ARL15: variants seen among roughly 807,000 people sequenced by gnomAD.
ARL15 encodes the protein ADP-ribosylation factor-like protein 15.
A neutral mutation model predicts 25.2 loss-of-function variants in ARL15; 19 were observed. That is an observed-to-expected ratio of 0.75 (90% confidence interval 0.53 to 1.10). The LOEUF is 1.10. Among genes scored for constraint, ARL15 ranks in the 50% least tolerant of loss-of-function variants. ARL15 has a pLI of 0.00. For missense variants in ARL15, 220 were observed against 246.0 expected, an observed-to-expected ratio of 0.89 and a Z score of 0.71; for synonymous variants, 94 against 86.8, an observed-to-expected ratio of 1.08 and a Z score of -0.46.
chr5:53,950,980 C>T (rs1257245207), intron 4 of ARL15, among the ~76,000 whole-genome samples: 5 of 152,218 alleles, frequency 3.3e-5, no homozygotes, highest in Non-Finnish European at 5.9e-5. Flanking sequence ...GGGCCAAATC[C>T]AGCCCACTCC....
chr5:54,298,464 C>T (rs564363204), intron 1 of ARL15, among the ~76,000 whole-genome samples: 7 of 152,306 alleles, frequency 4.6e-5, no homozygotes, highest in African/African-American at 1.7e-4. Flanking sequence ...ACATTTCAGT[C>T]ACACTTGGCA....
chr5:54,134,329 A>G (rs993036496), intron 3 of ARL15, among the ~76,000 whole-genome samples: 7 of 152,192 alleles, frequency 4.6e-5, no homozygotes, highest in Non-Finnish European at 8.8e-5. Context: ...GGAAAGAAAG[A>G]AAGAAATCAG....
chr5:54,114,337 G>A (rs1752828788), intron 3 of ARL15, among the ~76,000 whole-genome samples: 1 of 140,164 alleles, frequency 7.1e-6, no homozygotes, highest in Non-Finnish European at 1.5e-5. Flanking sequence ...CCGGGAGGTG[G>A]AGGTTGCAGT....
intron 1 of ARL15, among the ~76,000 whole-genome samples, chr5:54,194,502 T>G (rs975176974): frequency 6.6e-6 from 1 of 152,042 alleles, no homozygotes; most frequent in African/African-American, 2.4e-5. Context: ...GTTATGAAAC[T>G]CAGTTGTCAC....
At chr5:53,944,460 A>C (rs1746653602) in intron 4 of ARL15, among the ~76,000 whole-genome samples, 1 of 151,896 alleles carries the variant, frequency 6.6e-6, no homozygotes, top group Non-Finnish European at 1.5e-5. Context: ...AAAATACAAA[A>C]AATTTGCTGA....
chr5:54,037,612 A>G (rs185426078), intron 4 of ARL15, among the ~76,000 whole-genome samples: 3 of 152,228 alleles, frequency 2.0e-5, no homozygotes, highest in African/African-American at 7.2e-5. Context: ...TCTAGAAAAT[A>G]TTTCAAAGGT....
At chr5:54,201,377 G>C (rs1009697632) in intron 1 of ARL15, among the ~76,000 whole-genome samples, 2 of 152,084 alleles carry the variant, frequency 1.3e-5, no homozygotes, top group African/African-American at 2.4e-5. Flanking sequence ...TTCTTTCCTT[G>C]GTCAAACTTC....
chr5:54,024,291 C>T (rs1188330954), intron 4 of ARL15, among the ~76,000 whole-genome samples: 1 of 152,146 alleles, frequency 6.6e-6, no homozygotes, highest in African/African-American at 2.4e-5. Flanking sequence ...TTTGTAACTT[C>T]CTGTGACTCT....
In ARL15 at chr5:54,248,352, T is replaced by G. The variant is rs1476793391; in HGVS notation, c.48+62080A>C. 2.0e-5 allele frequency among the ~76,000 whole-genome samples: 3 copies of G among 152,158 alleles called. No individual in the cohort carries two copies. The East Asian group carries it at 5.8e-4, about 29-fold the overall frequency. On this transcript the variant is annotated intron_variant, in intron 1 of 4. Transcript: ENST00000504924. Reference sequence around the variant, plus strand: ...CCTCCAACCTTACCTATCTCCATCTTCTCTTTCTCGGACTCACTCTCCTGC... The same window carrying G: ...CCTCCAACCTTACCTATCTCCATCTGCTCTTTCTCGGACTCACTCTCCTGC...
chr5:54,302,351 A>G (rs774799214), intron 1 of ARL15, among the ~76,000 whole-genome samples: 42 of 152,174 alleles, frequency 2.8e-4, no homozygotes, highest in Admixed American at 1.0e-3. Flanking sequence ...CTGGTTATGC[A>G]ATTCTGGGCA....
At chr5:54,050,306 T>C (rs577253102) in intron 4 of ARL15, among the ~76,000 whole-genome samples, 36 of 152,308 alleles carry the variant, frequency 2.4e-4, no homozygotes, top group Middle Eastern at 3.4e-3. Flanking sequence ...TAGATTAGAA[T>C]TAGAGATGAA....
intron 4 of ARL15, among the ~76,000 whole-genome samples, chr5:53,915,756 T>C (rs1200763123): frequency 6.6e-6 from 1 of 152,246 alleles, no homozygotes; most frequent in Non-Finnish European, 1.5e-5. Flanking sequence ...TTCTTTAGAA[T>C]GATGTTGATC....
intron 4 of ARL15, among the ~76,000 whole-genome samples, chr5:54,064,818 G>C (rs1751168585): frequency 6.6e-6 from 1 of 152,048 alleles, no homozygotes; most frequent in African/African-American, 2.4e-5. Context: ...AACTGTCTGA[G>C]TCAACTTATA....
chr5:54,199,978 G>A (rs1302995707), intron 1 of ARL15, among the ~76,000 whole-genome samples: 1 of 150,654 alleles, frequency 6.6e-6, no homozygotes, highest in Non-Finnish European at 1.5e-5. Flanking sequence ...AAAATGATGA[G>A]TTCATGTCCT....
At chr5:54,150,636 A>G (rs1754037524) in intron 3 of ARL15, among the ~76,000 whole-genome samples, 1 of 152,020 alleles carries the variant, frequency 6.6e-6, no homozygotes, top group Admixed American at 6.5e-5. Flanking sequence ...TGTCTCTACT[A>G]AACATACAAA....
At chr5:53,910,159 T>C (rs1326394024) in intron 4 of ARL15, among the ~76,000 whole-genome samples, 1 of 152,124 alleles carries the variant, frequency 6.6e-6, no homozygotes, top group Non-Finnish European at 1.5e-5. Flanking sequence ...TATATGTGGA[T>C]TTTCCAGAAT....
intron 3 of ARL15, among the ~76,000 whole-genome samples, chr5:54,128,103 T>A (rs1464100373): frequency 6.6e-6 from 1 of 152,214 alleles, no homozygotes; most frequent in Non-Finnish European, 1.5e-5. Flanking sequence ...GACTAAGATG[T>A]TCCTCTGGCT....
intron 1 of ARL15, among the ~76,000 whole-genome samples, chr5:54,186,262 G>A (rs929534351): frequency 3.3e-5 from 5 of 152,212 alleles, no homozygotes; most frequent in Non-Finnish European, 1.5e-5. Flanking sequence ...AGCCAATACG[G>A]TGAGCAAAAT....
At chr5:53,892,039 G>A (rs1430107139) in intron 4 of ARL15, among the ~76,000 whole-genome samples, 3 of 152,146 alleles carry the variant, frequency 2.0e-5, no homozygotes, top group Admixed American at 6.5e-5. Flanking sequence ...ATAAAAGACC[G>A]TTTAATACTG....
Sources: allele counts gnomAD v4.1 joint callset (sites outside exome capture counted in the v4.1 genomes callset), GRCh38; gene constraint gnomAD v4.1.1; transcripts MANE v1.5; gene names NCBI Gene and HGNC (gene_info 2026-07-23, HGNC 2026-07-21).